Variants in FAM168A observed in about 807,000 individuals in gnomAD.
FAM168A encodes family with sequence similarity 168 member A, also known as protein FAM168A.
A neutral mutation model predicts 28.5 loss-of-function variants in FAM168A; 3 were observed. That is an observed-to-expected ratio of 0.11 (90% CI 0.05 to 0.27). The LOEUF (loss-of-function observed/expected upper bound fraction) is 0.27. FAM168A is among the 10% of genes least tolerant of loss of function. The pLI is 1.00. For synonymous variants in FAM168A, 122 were observed against 124.2 expected (o/e 0.98, Z 0.12); for missense variants, 222 against 311.5 (o/e 0.71, Z 2.16).
chr11:73,445,419 C>CTGTTTTTTTTTTTTTTTTTTTTTTTT (rs776745757), intron 2 of FAM168A, among the ~76,000 whole-genome samples: 1 of 50,432 alleles, frequency 2.0e-5, no homozygotes, highest in Admixed American at 3.2e-4. Flanking sequence ...AAAAATGTCT[C>CTGTTTTTTTTTTTTTTTTTTTTTTTT]TTTTTTTTTT....
At chr11:73,462,694 G>A (rs1353375037) in intron 2 of FAM168A, among the ~76,000 whole-genome samples, 2 of 151,642 alleles carry the variant, frequency 1.3e-5, no homozygotes, top group Non-Finnish European at 1.5e-5. Flanking sequence ...TGGCCAACAC[G>A]GTGAAACCCC....
At chr11:73,502,034 G>A (rs907408939) in intron 1 of FAM168A, among the ~76,000 whole-genome samples, 1 of 151,196 alleles carries the variant, frequency 6.6e-6, no homozygotes, top group Admixed American at 6.6e-5. Flanking sequence ...CCCGGAGGCG[G>A]AGCTTGCAGT....
intron 1 of FAM168A, among the ~76,000 whole-genome samples, chr11:73,519,896 A>C (rs190374183): frequency 2.3e-3 from 342 of 151,980 alleles, no homozygotes; most frequent in Non-Finnish European, 4.1e-3. Context: ...TCCTGGGCTC[A>C]AGTAATTCTC....
intron 1 of FAM168A, among the ~76,000 whole-genome samples, chr11:73,476,815 A>G (rs759678689): frequency 2.6e-5 from 4 of 152,202 alleles, no homozygotes; most frequent in African/African-American, 9.6e-5. Flanking sequence ...CATTCAAGAG[A>G]GGCTCAGAAG....
At chr11:73,484,542 ATCTATC>A (rs1290175813) in intron 1 of FAM168A, among the ~76,000 whole-genome samples, 91 of 139,200 alleles carry the variant, frequency 6.5e-4, no homozygotes, top group African/African-American at 1.1e-3. Context: ...ATATCTATAT[ATCTATC>A]TATATCTATA....
At chr11:73,527,049 T>A (rs896905978) in intron 1 of FAM168A, among the ~76,000 whole-genome samples, 3 of 152,004 alleles carry the variant, frequency 2.0e-5, no homozygotes, top group African/African-American at 7.3e-5. Context: ...TGTGGTTTGG[T>A]ATAAAGAAAT....
At chr11:73,452,892 A>G (rs1867458631) in intron 2 of FAM168A, among the ~76,000 whole-genome samples, 1 of 152,122 alleles carries the variant, frequency 6.6e-6, no homozygotes. Flanking sequence ...ACTATGCTGC[A>G]GGTTACAAAA....
intron 1 of FAM168A, among the ~76,000 whole-genome samples, chr11:73,517,544 G>C (rs1026205695): frequency 2.0e-5 from 3 of 151,984 alleles, no homozygotes; most frequent in Non-Finnish European, 4.4e-5. Flanking sequence ...CGGCGGGGGC[G>C]GGGGGTGGTT....
At chr11:73,497,001 C>T (rs1435765779) in intron 1 of FAM168A, among the ~76,000 whole-genome samples, 13 of 152,196 alleles carry the variant, frequency 8.5e-5, no homozygotes, top group Non-Finnish European at 1.5e-5. Flanking sequence ...AAATTCCCCA[C>T]GTATTTTTGA....
At chr11:73,457,723 C>CAAAAAAAAAAAAAAAAAAAA (rs58142151) in intron 2 of FAM168A, among the ~76,000 whole-genome samples, 33 of 37,524 alleles carry the variant, frequency 8.8e-4, no homozygotes, top group Non-Finnish European at 1.2e-3. Flanking sequence ...GCCTGGGTGA[C>CAAAAAAAAAAAAAAAAAAAA]AAAAAAAAAA....
At chr11:73,442,125 C>CTTTT (rs59066860) in intron 2 of FAM168A, among the ~76,000 whole-genome samples, 8 of 130,962 alleles carry the variant, frequency 6.1e-5, no homozygotes, top group South Asian at 2.4e-4. Flanking sequence ...CTTTCTTCTT[C>CTTTT]TTTTTTTTTT....
intron 2 of FAM168A, among the ~76,000 whole-genome samples, chr11:73,440,509 A>G (rs1190961548): frequency 1.3e-5 from 2 of 152,142 alleles, no homozygotes; most frequent in Non-Finnish European, 2.9e-5. Context: ...GTGTGCCCAC[A>G]GTCCCAGCTA....
chr11:73,468,703 T>C (rs1466729306), intron 1 of FAM168A, among the ~76,000 whole-genome samples: 1 of 152,198 alleles, frequency 6.6e-6, no homozygotes, highest in African/African-American at 2.4e-5. Flanking sequence ...AGCAAGGAAG[T>C]AATATAACTT....
At chr11:73,501,929 G>A (rs910335986) in intron 1 of FAM168A, among the ~76,000 whole-genome samples, 7 of 152,046 alleles carry the variant, frequency 4.6e-5, no homozygotes, top group Admixed American at 4.6e-4. Context: ...GTGAAACCCC[G>A]CCTCTATTAA....
chr11:73,481,145 C>T (rs1235115252), intron 1 of FAM168A, among the ~76,000 whole-genome samples: 1 of 152,176 alleles, frequency 6.6e-6, no homozygotes, highest in Non-Finnish European at 1.5e-5. Flanking sequence ...ACTCAAACTC[C>T]TAGGCTCAAG....
At chr11:73,589,495 G>GAAAAAAAA (rs780232062) in intron 1 of FAM168A, among the ~76,000 whole-genome samples, 1 of 64,966 alleles carries the variant, frequency 1.5e-5, no homozygotes. Context: ...CTGATAAGCT[G>GAAAAAAAA]AAAAAAAAAA....
In FAM168A at chr11:73,536,486, G is replaced by C. The variant is rs531378744; in HGVS notation, c.-19+61437C>G. 3.9e-5 allele frequency among the ~76,000 whole-genome samples: 6 copies of C among 152,186 alleles called. No homozygotes were observed. The South Asian group carries it at 1.2e-3, about 32-fold the overall frequency. ...GCAGATCACGTAAGGTCAGGAGTTC[G>C]AGACCAGCCTGACCAACATGGAGAA... On this transcript the variant is annotated intron_variant, in intron 1 of 7. Transcript: ENST00000356467.
chr11:73,412,563 T>C (rs1442352611), intron 4 of FAM168A, among the ~76,000 whole-genome samples: 3 of 152,184 alleles, frequency 2.0e-5, no homozygotes, highest in Non-Finnish European at 4.4e-5. Flanking sequence ...CAAAATGGAA[T>C]CGTTCTACGG....
chr11:73,584,623 G>A (rs990071183), intron 1 of FAM168A, among the ~76,000 whole-genome samples: 1 of 151,932 alleles, frequency 6.6e-6, no homozygotes, highest in Non-Finnish European at 1.5e-5. Context: ...ACAGGCGCCC[G>A]CCACCATGCC....
Sources: allele counts gnomAD v4.1 joint callset (sites outside exome capture counted in the v4.1 genomes callset), GRCh38; gene constraint gnomAD v4.1.1; transcripts MANE v1.5; gene names NCBI Gene and HGNC (gene_info 2026-07-23, HGNC 2026-07-21).